The following BASP1 variants were observed in gnomAD, a reference collection of about 807,000 sequenced individuals.
BASP1 encodes brain abundant membrane attached signal protein 1.
Under a neutral mutation model 2.2 loss-of-function variants are expected in BASP1, and 1 was observed. The ratio of observed to expected loss-of-function variants is 0.46; its 90% confidence interval spans 0.16 to 2.17. The LOEUF (loss-of-function observed/expected upper bound fraction) is 2.17. Ranked by LOEUF, BASP1 falls within the 30% of genes most tolerant of loss-of-function variation. The probability of loss-of-function intolerance (pLI) is 0.27; values close to 1 mark genes in which losing one functional copy is unlikely to be tolerated. For synonymous variants in BASP1, 187 were observed against 154.2 expected (o/e 1.21, Z -1.58); for missense variants, 352 against 327.2 (o/e 1.08, Z -0.58).
At chr5:17,248,962 C>A (rs1740046943) in intron 1 of BASP1, among the ~76,000 whole-genome samples, 1 of 152,190 alleles carries the variant, frequency 6.6e-6, no homozygotes, top group Non-Finnish European at 1.5e-5. Flanking sequence ...TCAACACACA[C>A]TCCCATCCCC....
intron 1 of BASP1, among the ~76,000 whole-genome samples, chr5:17,266,262 TTA>T (rs1561176564): frequency 1.3e-5 from 2 of 152,134 alleles, no homozygotes; most frequent in Non-Finnish European, 2.9e-5. Flanking sequence ...AGGAAAAAGA[TTA>T]TGTCTGGAGG....
At chr5:17,225,416 T>C (rs1186338744) in intron 1 of BASP1, among the ~76,000 whole-genome samples, 1 of 152,160 alleles carries the variant, frequency 6.6e-6, no homozygotes, top group Admixed American at 6.5e-5. Flanking sequence ...CATCTTCCCC[T>C]CAACTTACTC....
intron 1 of BASP1, among the ~76,000 whole-genome samples, chr5:17,235,254 T>A (rs1417055440): frequency 1.4e-5 from 2 of 145,574 alleles, no homozygotes; most frequent in African/African-American, 5.2e-5. Flanking sequence ...CGTCTGCTAT[T>A]TATGTTTTTC....
In BASP1 at chr5:17,265,814, G is replaced by A. The variant is rs144066715; in HGVS notation, c.-9-9394G>A. Among the ~76,000 whole-genome samples, 38 of 152,262 alleles carry A rather than the reference G, an allele frequency of 2.5e-4. No individual in the cohort carries two copies. The East Asian group carries it at 6.0e-3, about 24-fold the overall frequency. On this transcript the variant is annotated intron_variant, in intron 1 of 1. Coordinates refer to ENST00000322611, the MANE Select transcript of BASP1 (RefSeq NM_006317.5). Reference sequence around the variant, plus strand: ...CCAGCTCAAATGTTAATTAGATACCGTTCTGATATATAGGGTTGTGTCTTT... The same window carrying A: ...CCAGCTCAAATGTTAATTAGATACCATTCTGATATATAGGGTTGTGTCTTT...
Position 17,228,088 on chromosome 5 carries a change from G to A in BASP1, c.-10+10278G>A, listed in dbSNP as rs572530326. ...TGCATGTTACTAGTTTTCCTCATCTGACCCGATGATTGACTGATGGAAAGT... is the reference window on the plus strand; with the variant it reads ...TGCATGTTACTAGTTTTCCTCATCTAACCCGATGATTGACTGATGGAAAGT... On this transcript the variant is annotated intron_variant, in intron 1 of 1. Coordinates refer to ENST00000322611, the MANE Select transcript of BASP1 (RefSeq NM_006317.5). Among the ~76,000 whole-genome samples the A allele has an allele frequency of 1.6e-3, 241 of 152,310 alleles. 2 individuals are homozygous for A. Among genetic ancestry groups the A allele is most frequent in the Non-Finnish European group, 2.6e-3 (178 of 68,030 alleles).
chr5:17,230,752 G>C (rs1739618486), intron 1 of BASP1, among the ~76,000 whole-genome samples: 1 of 151,954 alleles, frequency 6.6e-6, no homozygotes. Context: ...TGTTTTAGGG[G>C]AGATGGGGTT....
chr5:17,269,670 G>A (rs1298530101), intron 1 of BASP1, among the ~76,000 whole-genome samples: 1 of 152,230 alleles, frequency 6.6e-6, no homozygotes, highest in Admixed American at 6.5e-5. Flanking sequence ...CAAGATAGTT[G>A]TGGGGGATTT....
In BASP1 at chr5:17,275,342, C is replaced by T. The variant is rs1052794020; in HGVS notation, c.126C>T (p.Pro42=). 6.2e-7 allele frequency: 1 copy of T among 1,607,136 alleles called. No homozygotes were observed. Among genetic ancestry groups the T allele is most frequent in the African/African-American group, 1.3e-5 (1 of 74,490 alleles). Residue 42 remains proline (P), a synonymous_variant, in exon 2 of 2, where the codon CCC becomes CCT. Transcript: ENST00000322611. This position sits in a 1 kb window ranked among gnomAD's most constrained non-coding sequence, Gnocchi z 5.3. Reference sequence around the variant, plus strand: ...AGGGGACCCCGAAGGAGAGTGAGCCCCAGGCGGCCGCAGAGCCCGCCGAGG... The same window carrying T: ...AGGGGACCCCGAAGGAGAGTGAGCCTCAGGCGGCCGCAGAGCCCGCCGAGG... The part of the protein sequence containing the change: ...EEEGTPKESE[P]QAAAEPAEAK...
intron 1 of BASP1, among the ~76,000 whole-genome samples, chr5:17,261,349 T>G (rs1021403352): frequency 3.3e-5 from 5 of 152,178 alleles, no homozygotes; most frequent in Non-Finnish European, 7.3e-5. Context: ...TCTTCAGCAT[T>G]TTAGTTGTTG....
rs750394431 is a variant in BASP1, at chr5:17,275,429, C to T, written c.213C>T (p.Gly71=). 12 of 1,540,028 alleles carry T rather than the reference C, an allele frequency of 7.8e-6. No individual in the cohort carries two copies. In the South Asian group the frequency reaches 8.4e-5, roughly 11 times the overall value. Residue 71 remains glycine, a synonymous_variant, in exon 2 of 2, where the codon GGC becomes GGT. Coordinates refer to ENST00000322611, the MANE Select transcript of BASP1 (RefSeq NM_006317.5). This position sits in a 1 kb window ranked among gnomAD's most constrained non-coding sequence, Gnocchi z 5.3. The stretch of plus-strand genomic sequence containing the variant: ...AGGGCAAGGCCGAGGAGAAGGAGGG[C>T]GAGAAGGACGCGGCGGCTGCCAAGG... ...DAEGKAEEKE[G]EKDAAAAKEE...
intron 1 of BASP1, among the ~76,000 whole-genome samples, chr5:17,261,622 C>G (rs150108180): frequency 6.6e-6 from 1 of 152,176 alleles, no homozygotes; most frequent in Non-Finnish European, 1.5e-5. Flanking sequence ...CTCTCCCCCC[C>G]ACCGTCTGCA....
rs59080603 is a variant in BASP1 at position 17,275,944 on chromosome 5, C to CCTCT, written c.*67_*70dup. The CCTCT allele has an allele frequency of 4.6e-3, 5,012 of 1,083,852 alleles. 29 individuals are homozygous for CCTCT. The highest frequency in any genetic ancestry group is 0.029 in the African/African-American group (1,765 of 60,336). The allele number at this position is 1,083,852 out of a possible 1,614,324, so 67.1% of individuals were successfully genotyped here. On this transcript the variant is annotated 3_prime_UTR_variant, in exon 2 of 2. Coordinates refer to ENST00000322611, the MANE Select transcript of BASP1 (RefSeq NM_006317.5). The surrounding 1 kb of genome is among the most constrained non-coding windows in gnomAD (Gnocchi z 5.3). Reference sequence around the variant, plus strand: ...AAAACAATACCACTTAAAACAATCTCCTCTCTCTCTCTCTCTCTCTCTCTC... The same window carrying CCTCT: ...AAAACAATACCACTTAAAACAATCTCCTCTCTCTCTCTCTCTCTCTCTCTCTCTC...
At chr5:17,241,650 A>G (rs1465591674) in intron 1 of BASP1, among the ~76,000 whole-genome samples, 2 of 152,126 alleles carry the variant, frequency 1.3e-5, no homozygotes, top group African/African-American at 4.8e-5. Flanking sequence ...TATTTGCTGC[A>G]TTTGCTGGGA....
chr5:17,275,944 CCTCTCT>C lies in BASP1; in HGVS notation c.*65_*70del, dbSNP rs59080603. 0.056 allele frequency: 59,796 copies of C among 1,073,530 alleles called. 980 individuals are homozygous for C. Among genetic ancestry groups the C allele is most frequent in the Admixed American group, 0.14 (4,228 of 29,974 alleles). 66.5% of individuals were successfully genotyped at this position (1,073,530 alleles called of 1,614,324 possible). On this transcript the variant is annotated 3_prime_UTR_variant, in exon 2 of 2. Transcript: ENST00000322611. The surrounding 1 kb of genome is among the most constrained non-coding windows in gnomAD (Gnocchi z 5.3). ...AAAACAATACCACTTAAAACAATCT[CCTCTCT>C]CTCTCTCTCTCTCTCTCTCTATCTC...
intron 1 of BASP1, among the ~76,000 whole-genome samples, chr5:17,244,460 A>G (rs1739936479): frequency 1.3e-5 from 2 of 152,156 alleles, no homozygotes; most frequent in African/African-American, 4.8e-5. Context: ...CACTAAGCTG[A>G]GGATCTGAGA....
chr5:17,237,201 G>C (rs1467661521), intron 1 of BASP1, among the ~76,000 whole-genome samples: 2 of 152,086 alleles, frequency 1.3e-5, no homozygotes, highest in Non-Finnish European at 2.9e-5. Context: ...AAAATTAGCT[G>C]GGCGTGGTGG....
intron 1 of BASP1, among the ~76,000 whole-genome samples, chr5:17,261,498 T>A (rs985282013): frequency 6.6e-6 from 1 of 152,208 alleles, no homozygotes; most frequent in Non-Finnish European, 1.5e-5. Context: ...GTTTACTATG[T>A]GGAGATCTTG....
intron 1 of BASP1, among the ~76,000 whole-genome samples, chr5:17,221,464 C>T (rs907997573): frequency 5.4e-5 from 8 of 149,214 alleles, no homozygotes; most frequent in Admixed American, 1.3e-4. Context: ...GAAAGAAATG[C>T]GTTGATTTGT....
chr5:17,269,812 C>T (rs1740493860), intron 1 of BASP1, among the ~76,000 whole-genome samples: 1 of 152,154 alleles, frequency 6.6e-6, no homozygotes, highest in African/African-American at 2.4e-5. Flanking sequence ...GTGTGTTTAG[C>T]TTATTAGCCA....
Sources: allele counts gnomAD v4.1 joint callset (sites outside exome capture counted in the v4.1 genomes callset), GRCh38; gene constraint gnomAD v4.1.1; non-coding constraint Gnocchi (gnomAD v3.1); transcripts MANE v1.5; gene names NCBI Gene and HGNC (gene_info 2026-07-23, HGNC 2026-07-21).